The following VRK1 variants were observed in gnomAD, a reference collection of about 807,000 sequenced individuals.
VRK1 encodes VRK serine/threonine kinase 1, also known as serine/threonine-protein kinase VRK1.
In VRK1, 33 loss-of-function variants were observed where a neutral mutation model predicts 57.1. The observed-to-expected ratio is 0.58, with a 90% CI of 0.44 to 0.77. The LOEUF (loss-of-function observed/expected upper bound fraction) is 0.77. VRK1 is among the 30% of genes least tolerant of loss of function. The pLI is 0.00. For synonymous variants in VRK1, 137 were observed against 147.8 expected, an observed-to-expected ratio of 0.93 and a Z score of 0.53; for missense variants, 413 against 477.3, an observed-to-expected ratio of 0.87 and a Z score of 1.25.
chr14:96,837,351 C>T (rs1288289595), intron 2 of VRK1, among the ~76,000 whole-genome samples: 2 of 152,132 alleles, frequency 1.3e-5, no homozygotes, highest in African/African-American at 2.4e-5. Context: ...CTTTAGCCCC[C>T]TCATTTCTTA....
chr14:96,877,379 A>C, intron 12 of VRK1: 1 of 551,306 alleles, frequency 1.8e-6, no homozygotes, highest in Non-Finnish European at 3.0e-6. Context: ...TGAAGAGGGA[A>C]TATATAACTT....
At chr14:96,879,960 T>G (rs1393346179) in intron 12 of VRK1, among the ~76,000 whole-genome samples, 1 of 151,632 alleles carries the variant, frequency 6.6e-6, no homozygotes, top group African/African-American at 2.4e-5. Context: ...AAATAAAATT[T>G]CTTGAAATAA....
At chr14:96,824,665 A>ATT (rs55945612) in intron 1 of VRK1, among the ~76,000 whole-genome samples, 15 of 139,542 alleles carry the variant, frequency 1.1e-4, no homozygotes, top group African/African-American at 7.9e-5. Flanking sequence ...AAAAACATTA[A>ATT]TTTTTTTTTT....
At chr14:96,876,888 T>C (rs1421599775) in intron 12 of VRK1, among the ~76,000 whole-genome samples, 1 of 152,094 alleles carries the variant, frequency 6.6e-6, no homozygotes, top group African/African-American at 2.4e-5. Flanking sequence ...GAAATGACAT[T>C]AGCAAAGGCA....
At chr14:96,849,699 A>G (rs1887873072) in intron 5 of VRK1, among the ~76,000 whole-genome samples, 1 of 152,224 alleles carries the variant, frequency 6.6e-6, no homozygotes, top group African/African-American at 2.4e-5. Context: ...TGCAGTCATC[A>G]TCACTGTGAT....
chr14:96,836,636 C>T (rs998252971), intron 2 of VRK1, among the ~76,000 whole-genome samples: 1 of 151,576 alleles, frequency 6.6e-6, no homozygotes, highest in African/African-American at 2.4e-5. Context: ...GATTCTCCCA[C>T]CTCAGCCTCC....
At chr14:96,864,764 A>T (rs553683890) in intron 11 of VRK1, among the ~76,000 whole-genome samples, 1 of 152,114 alleles carries the variant, frequency 6.6e-6, no homozygotes. Flanking sequence ...CTCTTGCATT[A>T]TATTTAATTT....
rs547684352 is a variant in VRK1 at position 96,872,149 on chromosome 14, T to G, written c.1069-3881T>G. Among the ~76,000 whole-genome samples the G allele has an allele frequency of 3.3e-5, 5 of 152,346 alleles. No homozygotes were observed. In the East Asian group the frequency reaches 9.6e-4, roughly 29 times the overall value. On this transcript the variant is annotated intron_variant, in intron 11 of 12. Transcript: ENST00000216639. ...ATTATTCCTCAAATTTGTCTGTCTC[T>G]TTTCAAGTCATTCATTCATTTCCTA...
At chr14:96,843,838 T>A (rs1181509217) in intron 3 of VRK1, among the ~76,000 whole-genome samples, 1 of 152,140 alleles carries the variant, frequency 6.6e-6, no homozygotes, top group African/African-American at 2.4e-5. Context: ...TAATGGAAGT[T>A]TATTGGATTA....
At chr14:96,865,292 C>T (rs1364923530) in intron 11 of VRK1, among the ~76,000 whole-genome samples, 2 of 152,102 alleles carry the variant, frequency 1.3e-5, no homozygotes, top group African/African-American at 4.8e-5. Flanking sequence ...TGATCTCAAC[C>T]ATTTGTGGAA....
At chr14:96,815,594 A>AG (rs1481559821) in intron 1 of VRK1, among the ~76,000 whole-genome samples, 1 of 152,100 alleles carries the variant, frequency 6.6e-6, no homozygotes, top group Non-Finnish European at 1.5e-5. Flanking sequence ...TTAACAAATG[A>AG]GAAAAAAAGC....
chr14:96,819,430 A>G (rs1886513073), intron 1 of VRK1, among the ~76,000 whole-genome samples: 1 of 152,226 alleles, frequency 6.6e-6, no homozygotes, highest in Admixed American at 6.5e-5. Flanking sequence ...CAGTCTGTGC[A>G]TCACAGTACC....
intron 11 of VRK1, among the ~76,000 whole-genome samples, chr14:96,863,320 T>C (rs1888461142): frequency 6.6e-6 from 1 of 152,178 alleles, no homozygotes; most frequent in South Asian, 2.1e-4. Flanking sequence ...TACTCATAAA[T>C]TAACATTCAA....
At chr14:96,810,335 A>G (rs1283331614) in intron 1 of VRK1, among the ~76,000 whole-genome samples, 2 of 152,202 alleles carry the variant, frequency 1.3e-5, no homozygotes, top group Non-Finnish European at 2.9e-5. Flanking sequence ...ATTCCAATGT[A>G]TCCATCTTTT....
intron 3 of VRK1, among the ~76,000 whole-genome samples, chr14:96,839,239 C>A (rs1404543670): frequency 6.6e-6 from 1 of 152,048 alleles, no homozygotes; most frequent in Non-Finnish European, 1.5e-5. Context: ...TCATTTGTTT[C>A]ATTTTATTGC....
chr14:96,800,798 TA>T (rs1885629606), intron 1 of VRK1, among the ~76,000 whole-genome samples: 1 of 152,090 alleles, frequency 6.6e-6, no homozygotes. Flanking sequence ...ACGTGTATAC[TA>T]AAATGTTTAT....
At chr14:96,864,438 C>T (rs74076168) in intron 11 of VRK1, among the ~76,000 whole-genome samples, 2,103 of 152,206 alleles carry the variant, frequency 0.014, 54 homozygotes, top group African/African-American at 0.048. Context: ...AATTTCCATG[C>T]TGTTGCATGT....
chr14:96,830,874 C>T (rs531627809), intron 1 of VRK1, among the ~76,000 whole-genome samples: 133 of 152,264 alleles, frequency 8.7e-4, no homozygotes, highest in African/African-American at 3.2e-3. Context: ...CTTTCTTTTT[C>T]CTTTCTTCGT....
At chr14:96,843,521 T>G (rs1394288659) in intron 3 of VRK1, among the ~76,000 whole-genome samples, 1 of 152,214 alleles carries the variant, frequency 6.6e-6, no homozygotes, top group African/African-American at 2.4e-5. Flanking sequence ...TTTGTACAGC[T>G]TCATTTTTAA....
Sources: gnomAD v4.1 joint callset for allele counts (sites outside exome capture counted in the v4.1 genomes callset) on GRCh38, gnomAD v4.1.1 for gene constraint, MANE v1.5 for transcripts, NCBI Gene and HGNC (gene_info 2026-07-23, HGNC 2026-07-21) for gene names.